The following CNTN6 variants were observed in gnomAD, a reference collection of about 807,000 sequenced individuals.
The protein encoded by CNTN6 is contactin-6.
A neutral mutation model predicts 122.8 loss-of-function variants in CNTN6; 137 were observed. The ratio of observed to expected loss-of-function variants is 1.12; its 90% CI spans 0.97 to 1.29. The LOEUF (loss-of-function observed/expected upper bound fraction) is 1.29. Ranked by LOEUF, CNTN6 falls within the 50% of genes most tolerant of loss-of-function variation. The probability of loss-of-function intolerance (pLI) is 0.00; values close to 1 mark genes in which losing one functional copy is unlikely to be tolerated. For missense variants in CNTN6, 1,634 were observed against 1,223.4 expected, an observed-to-expected ratio of 1.34 and a Z score of -5.01; for synonymous variants, 570 against 426.0, an observed-to-expected ratio of 1.34 and a Z score of -4.16.
chr3:1,264,875 TCCCCCAGCCTCTGGTAA>T (rs1015890567), intron 4 of CNTN6, among the ~76,000 whole-genome samples: 22 of 151,962 alleles, frequency 1.4e-4, no homozygotes, highest in Non-Finnish European at 2.9e-5. Flanking sequence ...TGCACCCCTC[TCCCCCAGCCTCTGGTAA>T]CCACCATTCT....
intron 5 of CNTN6, among the ~76,000 whole-genome samples, chr3:1,289,696 A>C (rs1694965162): frequency 7.6e-6 from 1 of 132,166 alleles, no homozygotes. Flanking sequence ...TTTTTTTGAG[A>C]CAGAGTCTCG....
intron 2 of CNTN6, among the ~76,000 whole-genome samples, chr3:1,206,346 A>T (rs756084142): frequency 8.5e-5 from 13 of 152,148 alleles, no homozygotes; most frequent in Non-Finnish European, 1.3e-4. Flanking sequence ...CACATGCATC[A>T]GTGTATTTTC....
intron 7 of CNTN6, among the ~76,000 whole-genome samples, chr3:1,309,913 G>T (rs148503076): frequency 6.6e-6 from 1 of 152,078 alleles, no homozygotes; most frequent in Non-Finnish European, 1.5e-5. Context: ...TATGTTAATT[G>T]TGGAATTCAA....
intron 20 of CNTN6, among the ~76,000 whole-genome samples, chr3:1,392,570 C>T (rs1487554661): frequency 1.4e-5 from 2 of 147,592 alleles, no homozygotes; most frequent in Non-Finnish European, 3.0e-5. Flanking sequence ...TCTAATTAAA[C>T]TAAAGAGCTT....
chr3:1,175,721 TGA>T (rs2093436976), intron 2 of CNTN6, among the ~76,000 whole-genome samples: 1 of 152,152 alleles, frequency 6.6e-6, no homozygotes, highest in African/African-American at 2.4e-5. Flanking sequence ...GAATATATTG[TGA>T]GAGTGGAAAG....
chr3:1,281,903 T>C (rs1693511760), intron 5 of CNTN6, among the ~76,000 whole-genome samples: 2 of 152,168 alleles, frequency 1.3e-5, no homozygotes, highest in Admixed American at 1.3e-4. Context: ...TTCTTTTTAG[T>C]GTATTCACAT....
chr3:1,266,111 C>T (rs765099538), intron 4 of CNTN6, among the ~76,000 whole-genome samples: 7 of 151,822 alleles, frequency 4.6e-5, no homozygotes, highest in Non-Finnish European at 8.8e-5. Context: ...GCTTATCTCT[C>T]AGGGTTACTA....
At chr3:1,247,471 G>A (rs1197766211) in intron 4 of CNTN6, among the ~76,000 whole-genome samples, 1 of 151,768 alleles carries the variant, frequency 6.6e-6, no homozygotes, top group Non-Finnish European at 1.5e-5. Context: ...AAAGAGGCTT[G>A]AATTGTAAGT....
At chr3:1,159,066 T>C (rs2093061165) in intron 2 of CNTN6, among the ~76,000 whole-genome samples, 1 of 150,360 alleles carries the variant, frequency 6.7e-6, no homozygotes, top group Non-Finnish European at 1.5e-5. Flanking sequence ...CTCAAATTTA[T>C]GAAACAGTTA....
chr3:1,301,329 C>G (rs531276114), intron 7 of CNTN6, among the ~76,000 whole-genome samples: 3 of 152,120 alleles, frequency 2.0e-5, no homozygotes, highest in African/African-American at 4.8e-5. Flanking sequence ...GCCACTGTGC[C>G]CGGCTCCTAA....
chr3:1,321,363 T>C (rs540922515), intron 7 of CNTN6, among the ~76,000 whole-genome samples: 1 of 151,722 alleles, frequency 6.6e-6, no homozygotes, highest in East Asian at 2.0e-4. Flanking sequence ...TGGTATGTTT[T>C]CCCACTAGTC....
chr3:1,261,820 T>A (rs1349501971), intron 4 of CNTN6, among the ~76,000 whole-genome samples: 1 of 152,160 alleles, frequency 6.6e-6, no homozygotes, highest in East Asian at 1.9e-4. Flanking sequence ...TTTTATCACA[T>A]AATTTTAATT....
chr3:1,102,850 G>C (rs1030882135), intron 1 of CNTN6, among the ~76,000 whole-genome samples: 2 of 150,722 alleles, frequency 1.3e-5, no homozygotes, highest in East Asian at 3.9e-4. Context: ...GCTCACGCCT[G>C]TAATCCCAGC....
At chr3:1,211,796 C>T (rs949644899) in intron 2 of CNTN6, among the ~76,000 whole-genome samples, 2 of 152,142 alleles carry the variant, frequency 1.3e-5, no homozygotes, top group Non-Finnish European at 2.9e-5. Context: ...AGACTAGCAT[C>T]TCTTAATATT....
rs1297378323 is a variant in CNTN6, at chr3:1,153,134, A to G, written c.55+5071A>G. On this transcript the variant is annotated intron_variant, in intron 2 of 22. Transcript: ENST00000446702. ...GGTTAAGGACTTTTATATGTATTTTATGAAATTACGGACTGAATACCTATT... is the reference window on the plus strand; with the variant it reads ...GGTTAAGGACTTTTATATGTATTTTGTGAAATTACGGACTGAATACCTATT... Among the ~76,000 whole-genome samples the G allele has an allele frequency of 3.3e-5, 5 of 152,126 alleles. No individual in the cohort carries two copies. The East Asian group carries it at 5.8e-4, about 18-fold the overall frequency.
At chr3:1,323,037 C>T (rs944157651) in intron 8 of CNTN6, among the ~76,000 whole-genome samples, 2 of 151,414 alleles carry the variant, frequency 1.3e-5, no homozygotes, top group African/African-American at 4.8e-5. Context: ...ATATAATAGA[C>T]AAAGATATAA....
intron 7 of CNTN6, among the ~76,000 whole-genome samples, chr3:1,303,232 T>C (rs1697737396): frequency 6.6e-6 from 1 of 151,882 alleles, no homozygotes; most frequent in Non-Finnish European, 1.5e-5. Flanking sequence ...ACTGTTCAAT[T>C]TTAAATCCTC....
intron 7 of CNTN6, among the ~76,000 whole-genome samples, chr3:1,319,918 T>A (rs1700621134): frequency 6.6e-6 from 1 of 151,340 alleles, no homozygotes. Context: ...AAACTTCACA[T>A]GCAATACATA....
chr3:1,314,594 A>C (rs78577626), intron 7 of CNTN6, among the ~76,000 whole-genome samples: 2,601 of 152,162 alleles, frequency 0.017, 39 homozygotes, highest in Non-Finnish European at 0.022. Flanking sequence ...TAGAGCTTTA[A>C]TTTAACTCGA....
Sources: gnomAD v4.1 joint callset for allele counts (sites outside exome capture counted in the v4.1 genomes callset) on GRCh38, gnomAD v4.1.1 for gene constraint, MANE v1.5 for transcripts, NCBI Gene and HGNC (gene_info 2026-07-23, HGNC 2026-07-21) for gene names.